SPG11: variants seen among roughly 807,000 people sequenced by gnomAD.
SPG11 encodes spatacsin.
In SPG11, 222 loss-of-function variants were observed where a neutral mutation model predicts 274.0. The observed-to-expected ratio is 0.81, with a 90% CI of 0.73 to 0.91. The LOEUF is 0.91. Among genes scored for constraint, SPG11 ranks in the 40% least tolerant of loss-of-function variants. SPG11 has a pLI of 0.00. For synonymous variants in SPG11, 1,144 were observed against 1,039.7 expected, an observed-to-expected ratio of 1.10 and a Z score of -1.93; for missense variants, 3,114 against 2,872.7, an observed-to-expected ratio of 1.08 and a Z score of -1.92.
At chr15:44,657,066 C>T (rs2084961010) in intron 4 of SPG11, 29 bp downstream of exon 4, 1 of 1,601,308 alleles carries the variant, frequency 6.2e-7, no homozygotes, top group Non-Finnish European at 8.5e-7. Context: ...CTATTTACCT[C>T]AAATTAGAAA....
Position 44,596,826 on chromosome 15 carries a change from C to T in SPG11, c.4119G>A (p.Gln1373=). 1 of 1,614,058 alleles carries T rather than the reference C, an allele frequency of 6.2e-7. No individual in the cohort carries two copies. Among genetic ancestry groups the T allele is most frequent in the East Asian group, 2.2e-5 (1 of 44,878 alleles). Residue 1373 remains glutamine (Q), a synonymous_variant, in exon 24 of 40, where the codon CAG becomes CAA. Coordinates refer to ENST00000261866, the MANE Select transcript of SPG11 (RefSeq NM_025137.4). ...RECAKANDWL[Q]FIIHSQLHNY... is the part of the protein sequence containing the mutation. ...TGTGGAGTTGGCTGTGAATAATGAA[C>T]TGCAGCCAATCATTTGCTTTGGCAC...
chr15:44,563,333 A>T (rs372127862), intron 39 of SPG11, 32 bp from the exon 40 acceptor site: 5 of 1,595,474 alleles, frequency 3.1e-6, no homozygotes, highest in Admixed American at 1.7e-5. Flanking sequence ...ACAGGTTAAG[A>T]TACTGTTTTT....
chr15:44,589,540 T>A (rs2082850742), intron 27 of SPG11, 126 bp from the exon 28 acceptor site: 3 of 1,124,560 alleles, frequency 2.7e-6, no homozygotes, highest in South Asian at 2.6e-5. Flanking sequence ...CATGAGGCAC[T>A]TACTCAGTTC....
At chr15:44,657,829 C>T (rs931037908) in intron 3 of SPG11, among the ~76,000 whole-genome samples, 6 of 152,200 alleles carry the variant, frequency 3.9e-5, no homozygotes, top group African/African-American at 1.4e-4. Context: ...CTTAAAAGTT[C>T]TCCAATGACT....
intron 7 of SPG11, among the ~76,000 whole-genome samples, chr15:44,644,743 A>T (rs2084556931): frequency 6.6e-6 from 1 of 152,216 alleles, no homozygotes; most frequent in Admixed American, 6.5e-5. Context: ...ATACAAAATC[A>T]ATGTAAAAAA....
At chr15:44,565,556 T>C (rs2057221021) in intron 38 of SPG11, among the ~76,000 whole-genome samples, 2 of 152,208 alleles carry the variant, frequency 1.3e-5, no homozygotes, top group Admixed American at 1.3e-4. Flanking sequence ...TAGCAGGCCA[T>C]GGGCCAGTAC....
In SPG11 at chr15:44,563,082, C is replaced by T; in HGVS notation, c.*39G>A. On this transcript the variant is annotated 3_prime_UTR_variant, in exon 40 of 40. Transcript: ENST00000261866. ...TTCTTCTCATCACATCTGTCAGAAT[C>T]TGCTAACAGTACAAGAAAACAGACA... The T allele has an allele frequency of 1.3e-6, 2 of 1,593,616 alleles. No homozygotes were observed. The highest frequency in any genetic ancestry group is 1.7e-6 in the Non-Finnish European group (2 of 1,162,010).
chr15:44,610,812 C>T, intron 18 of SPG11, 28 bp downstream of exon 18: 1 of 1,605,020 alleles, frequency 6.2e-7, no homozygotes, highest in African/African-American at 1.3e-5. Flanking sequence ...AAAATCAGTC[C>T]TATTTTGTCA....
rs780412179 is a variant in SPG11, at chr15:44,613,421, T to C, written c.3145+9A>G. On this transcript the variant is annotated intron_variant, in intron 17 of 39. Transcript: ENST00000261866. ...GCAAGTTTCTGTGTTTAATACAGTA[T>C]ACCCATACCTGTTAAGTTACTGGCA... 1 of 1,570,290 alleles carries C rather than the reference T, an allele frequency of 6.4e-7. No individual in the cohort carries two copies.
chr15:44,572,345 G>A (rs1028163544), intron 33 of SPG11: 5 of 343,282 alleles, frequency 1.5e-5, no homozygotes, highest in Non-Finnish European at 2.8e-5. Flanking sequence ...TCAAATACCA[G>A]CTCTGCCACT....
Position 44,562,788 on chromosome 15 carries a change from T to C in SPG11, c.*333A>G. On this transcript the variant is annotated 3_prime_UTR_variant, in exon 40 of 40. Transcript: ENST00000261866. ...TTAACTGTGTAAATAATAATTAAAT[T>C]TCTTTGAAACTGGAATCTGCAGGTA... The C allele has an allele frequency of 4.2e-6, 1 of 240,952 alleles. No individual in the cohort carries two copies. Among genetic ancestry groups the C allele is most frequent in the Non-Finnish European group, 8.2e-6 (1 of 122,086 alleles). 14.9% of individuals were successfully genotyped at this position (240,952 alleles called of 1,614,324 possible).
chr15:44,592,825 A>ATAAG (rs907488526), intron 26 of SPG11, among the ~76,000 whole-genome samples: 2 of 152,010 alleles, frequency 1.3e-5, no homozygotes, highest in African/African-American at 4.8e-5. Flanking sequence ...GTCTCAATAA[A>ATAAG]TAAATAAATA....
At chr15:44,642,439 T>C (rs1476157221) in intron 7 of SPG11, among the ~76,000 whole-genome samples, 2 of 148,252 alleles carry the variant, frequency 1.3e-5, no homozygotes, top group African/African-American at 5.0e-5. Context: ...TATAATTATA[T>C]ATATACACAC....
rs376682179 is a variant in SPG11, at chr15:44,600,541, A to T, written c.3612T>A (p.His1204Gln). The change falls in exon 21 of 40, where the codon CAT (histidine) becomes CAA (glutamine). Residue 1204 changes from histidine to glutamine, a missense_variant. Coordinates refer to ENST00000261866, the MANE Select transcript of SPG11 (RefSeq NM_025137.4). ...CAAATGCAAATGATGGCCGCCCATT[A>T]TGTAAATAATAAGCAAAATTCAGAC... Reference protein sequence around the residue: ...VERLNFAYYLHNGRPSFAFGT... With the variant: ...VERLNFAYYLQNGRPSFAFGT... 6.2e-7 allele frequency: 1 copy of T among 1,614,200 alleles called. No individual in the cohort carries two copies. Among genetic ancestry groups the T allele is most frequent in the Admixed American group, 1.7e-5 (1 of 60,030 alleles).
At chr15:44,660,948 A>C (rs773767625) in intron 1 of SPG11, among the ~76,000 whole-genome samples, 4 of 152,230 alleles carry the variant, frequency 2.6e-5, no homozygotes, top group Non-Finnish European at 5.9e-5. Context: ...TATCAACAAC[A>C]AAATATGTAT....
chr15:44,612,318 C>CAAAATACATT (rs1228459716), intron 17 of SPG11, among the ~76,000 whole-genome samples: 1 of 152,116 alleles, frequency 6.6e-6, no homozygotes, highest in Admixed American at 6.6e-5. Flanking sequence ...ATAACTGGAA[C>CAAAATACATT]AAAATACATT....
chr15:44,620,503 A>G, intron 14 of SPG11, 100 bp from the exon 15 acceptor site: 1 of 827,160 alleles, frequency 1.2e-6, no homozygotes, highest in South Asian at 1.7e-5. Flanking sequence ...CTGGACATAG[A>G]TATTTATACA....
intron 19 of SPG11, 174 bp from the exon 20 acceptor site, chr15:44,606,265 A>G (rs778420792): frequency 6.9e-5 from 39 of 564,316 alleles, no homozygotes; most frequent in Non-Finnish European, 1.0e-4. Flanking sequence ...GAATTATGAC[A>G]TATCTTTATA....
At chr15:44,659,410 G>T in intron 2 of SPG11, 107 bp from the exon 3 acceptor site, 1 of 986,092 alleles carries the variant, frequency 1.0e-6, no homozygotes, top group Non-Finnish European at 1.6e-6. Flanking sequence ...AAAGGAACTG[G>T]ACTTAGTCTA....
Sources: gnomAD v4.1 joint callset for allele counts (sites outside exome capture counted in the v4.1 genomes callset) on GRCh38, gnomAD v4.1.1 for gene constraint, MANE v1.5 for transcripts, NCBI Gene and HGNC (gene_info 2026-07-23, HGNC 2026-07-21) for gene names.